Variants in THADA observed in about 807,000 individuals in gnomAD.
The protein encoded by THADA is tRNA (32-2'-O)-methyltransferase regulator THADA.
Under a neutral mutation model 219.8 loss-of-function variants are expected in THADA, and 213 were observed. That is an observed-to-expected ratio of 0.97 (90% CI 0.87 to 1.09). The LOEUF is 1.09. Among genes scored for constraint, THADA ranks in the 50% least tolerant of loss-of-function variants. The pLI, the probability that THADA is intolerant of heterozygous loss-of-function variation, is 0.00. For missense variants in THADA, 2,956 were observed against 2,311.3 expected, an observed-to-expected ratio of 1.28 and a Z score of -5.72; for synonymous variants, 1,018 against 828.9, an observed-to-expected ratio of 1.23 and a Z score of -3.92.
At chr2:43,419,000 A>G (rs12465064) in intron 28 of THADA, among the ~76,000 whole-genome samples, 57,459 of 152,056 alleles carry the variant, frequency 0.38, 11,705 homozygotes, top group African/African-American at 0.5. Flanking sequence ...AAGGGGAAAA[A>G]TGGAGACTAA....
chr2:43,449,507 AC>A (rs1216378940), intron 26 of THADA, among the ~76,000 whole-genome samples: 1 of 152,220 alleles, frequency 6.6e-6, no homozygotes, highest in Non-Finnish European at 1.5e-5. Flanking sequence ...AAAAAGACCC[AC>A]ACACATTAAA....
chr2:43,408,407 C>T (rs528374724), intron 28 of THADA: 33 of 152,308 alleles, frequency 2.2e-4, no homozygotes, highest in Non-Finnish European at 3.2e-4. Flanking sequence ...CAAGTTTGAA[C>T]TGCCCAAGAA....
chr2:43,476,436 T>C (rs1685555341), intron 26 of THADA, among the ~76,000 whole-genome samples: 1 of 152,322 alleles, frequency 6.6e-6, no homozygotes, highest in South Asian at 2.1e-4. Flanking sequence ...GATGATGTTT[T>C]CAACCTCAAA....
At chr2:43,324,559 T>C (rs1573070194) in intron 30 of THADA, among the ~76,000 whole-genome samples, 1 of 152,244 alleles carries the variant, frequency 6.6e-6, no homozygotes, top group East Asian at 1.9e-4. Flanking sequence ...CAAGGCCTTA[T>C]AACATCCCTG....
chr2:43,350,116 G>C (rs1436448276), intron 29 of THADA, among the ~76,000 whole-genome samples: 1 of 152,172 alleles, frequency 6.6e-6, no homozygotes, highest in African/African-American at 2.4e-5. Flanking sequence ...TCACTGGGTA[G>C]AACAGGCAAA....
intron 17 of THADA, among the ~76,000 whole-genome samples, chr2:43,555,909 A>ACCCT (rs1697286088): frequency 6.6e-6 from 1 of 152,156 alleles, no homozygotes; most frequent in Admixed American, 6.6e-5. Context: ...ATAATCTCAG[A>ACCCT]CCCTAGGTTT....
intron 4 of THADA, among the ~76,000 whole-genome samples, chr2:43,588,521 A>C (rs2104162720): frequency 6.6e-6 from 1 of 152,312 alleles, no homozygotes; most frequent in Middle Eastern, 3.4e-3. Context: ...GAAGTCTTAT[A>C]AATCAAGAAA....
At chr2:43,417,168 ATTG>A (rs1677100522) in intron 28 of THADA, among the ~76,000 whole-genome samples, 1 of 148,868 alleles carries the variant, frequency 6.7e-6, no homozygotes. Context: ...ATTTGCTATT[ATTG>A]TTTTTTTTTT....
chr2:43,506,716 T>C (rs1269694218), intron 23 of THADA, among the ~76,000 whole-genome samples: 2 of 152,182 alleles, frequency 1.3e-5, no homozygotes, highest in Admixed American at 6.5e-5. Flanking sequence ...GGTGACTATA[T>C]AGTATGTGAA....
chr2:43,385,518 A>G (rs1473225143), intron 29 of THADA, among the ~76,000 whole-genome samples: 1 of 151,426 alleles, frequency 6.6e-6, no homozygotes, highest in Non-Finnish European at 1.5e-5. Flanking sequence ...GAGGCAGGAG[A>G]ATGGCGTGAA....
At chr2:43,369,008 A>G (rs1670497234) in intron 29 of THADA, among the ~76,000 whole-genome samples, 1 of 152,248 alleles carries the variant, frequency 6.6e-6, no homozygotes, top group Non-Finnish European at 1.5e-5. Flanking sequence ...ATGAGGCCCA[A>G]GAGTTTACAC....
At chr2:43,289,926 T>C (rs1161682646) in intron 34 of THADA, among the ~76,000 whole-genome samples, 1 of 151,826 alleles carries the variant, frequency 6.6e-6, no homozygotes, top group Non-Finnish European at 1.5e-5. Flanking sequence ...AGTGCTAGGA[T>C]TACAGGTGTG....
At chr2:43,273,089 A>G (rs1052900607) in intron 36 of THADA, among the ~76,000 whole-genome samples, 1 of 152,078 alleles carries the variant, frequency 6.6e-6, no homozygotes, top group African/African-American at 2.4e-5. Flanking sequence ...TCTCTACTAA[A>G]AATACCAAAA....
intron 28 of THADA, among the ~76,000 whole-genome samples, chr2:43,400,921 AG>A (rs1173520763): frequency 6.6e-6 from 1 of 152,158 alleles, no homozygotes; most frequent in Admixed American, 6.5e-5. Flanking sequence ...GAAGGCAAAG[AG>A]GGTCTTTTTT....
rs1343864562 is a variant in THADA, at chr2:43,231,176, C to T, written c.5634G>A (p.Gln1878=). The part of the protein sequence containing the change: ...LCHLQRMVSE[Q]CHLLSQFFRE... ...TGAAGAACTGAGACAGGAGGTGGCA[C>T]TGCTCTGACACCATCCTTTGAAGGT... Residue 1878 remains glutamine, a synonymous_variant, in exon 38 of 38, where the codon CAG becomes CAA. Transcript: ENST00000405975. 4 of 1,613,908 alleles carry T rather than the reference C, an allele frequency of 2.5e-6. No individual in the cohort carries two copies. Among genetic ancestry groups the T allele is most frequent in the Non-Finnish European group, 3.4e-6 (4 of 1,179,832 alleles).
At chr2:43,235,544 G>A (rs546551875) in intron 36 of THADA, among the ~76,000 whole-genome samples, 11 of 151,900 alleles carry the variant, frequency 7.2e-5, no homozygotes, top group Non-Finnish European at 1.2e-4. Context: ...CTGCCCCCTC[G>A]GCTTCCCAAA....
chr2:43,578,285 G>A (rs1700065364), intron 9 of THADA, among the ~76,000 whole-genome samples: 2 of 151,200 alleles, frequency 1.3e-5, no homozygotes, highest in African/African-American at 4.9e-5. Context: ...TGGGACTACA[G>A]CTGTGCACCA....
At chr2:43,231,706 G>C (rs1163387051) in intron 37 of THADA, among the ~76,000 whole-genome samples, 2 of 152,152 alleles carry the variant, frequency 1.3e-5, no homozygotes, top group East Asian at 3.9e-4. Context: ...TTGGAGAGGA[G>C]GGAGGAAAGG....
intron 28 of THADA, among the ~76,000 whole-genome samples, chr2:43,411,458 C>A (rs1483168518): frequency 6.6e-6 from 1 of 152,124 alleles, no homozygotes; most frequent in Non-Finnish European, 1.5e-5. Flanking sequence ...GGTATGATTT[C>A]GTAGTGGTTA....
Sources: allele counts gnomAD v4.1 joint callset (sites outside exome capture counted in the v4.1 genomes callset), GRCh38; gene constraint gnomAD v4.1.1; transcripts MANE v1.5; gene names NCBI Gene and HGNC (gene_info 2026-07-23, HGNC 2026-07-21).